The following NFATC3 variants were observed in gnomAD, a reference collection of about 807,000 sequenced individuals.
NFATC3 encodes nuclear factor of activated T-cells, cytoplasmic 3.
In NFATC3, 46 loss-of-function variants were observed where a neutral mutation model predicts 98.6. The observed-to-expected ratio is 0.47, with a 90% confidence interval of 0.37 to 0.60. The LOEUF (loss-of-function observed/expected upper bound fraction) is 0.60. Ranked by LOEUF, NFATC3 falls within the 20% of genes least tolerant of loss-of-function variation. The pLI is 0.00. For synonymous variants in NFATC3, 512 were observed against 472.2 expected, an observed-to-expected ratio of 1.08 and a Z score of -1.09; for missense variants, 1,256 against 1,295.5, an observed-to-expected ratio of 0.97 and a Z score of 0.47.
At position 68,104,653 on chromosome 16, in the gene NFATC3, G is replaced by GTTTTTTTTTTTTTTTTTTTTT. The variant is rs778016298; in HGVS notation, c.104-17318_104-17317insTTTTTTTTTTTTTTTTTTTTT. 1.0e-3 allele frequency among the ~76,000 whole-genome samples: 132 copies of GTTTTTTTTTTTTTTTTTTTTT among 126,650 alleles called. 3 individuals are homozygous for GTTTTTTTTTTTTTTTTTTTTT. The highest frequency in any genetic ancestry group is 3.0e-3 in the African/African-American group (95 of 31,826). 83.1% of individuals were successfully genotyped at this position (126,650 alleles called of 152,430 possible). On this transcript the variant is annotated intron_variant, in intron 1 of 9. Coordinates refer to ENST00000346183, the MANE Select transcript of NFATC3 (RefSeq NM_173165.3). The stretch of plus-strand genomic sequence containing the variant: ...GTTAGCTGTGGGCTTTTCACAAATG[G>GTTTTTTTTTTTTTTTTTTTTT]TTTTTTTTTTTTTTTTGAAATGGAG...
chr16:68,177,032 C>CTT lies in NFATC3; in HGVS notation c.1915+2531_1915+2532dup, dbSNP rs548092276. On this transcript the variant is annotated intron_variant, in intron 6 of 9. Transcript: ENST00000346183. ...TATTTTTCTTTCTTTCTTTTCTTTT[C>CTT]TTTTTTTTTTTTTTGTTTTTTTAAT... Among the ~76,000 whole-genome samples, 1,111 of 133,052 alleles carry CTT rather than the reference C, an allele frequency of 8.4e-3. 12 individuals carry two copies. The highest frequency in any genetic ancestry group is 0.025 in the African/African-American group (887 of 36,076). The allele number at this position is 133,052 out of a possible 152,430, so 87.3% of individuals were successfully genotyped here.
At chr16:68,102,681 C>T (rs2035438601) in intron 1 of NFATC3, among the ~76,000 whole-genome samples, 1 of 151,996 alleles carries the variant, frequency 6.6e-6, no homozygotes, top group Admixed American at 6.6e-5. Context: ...TGTCATTGAC[C>T]AAAACATCAT....
chr16:68,086,010 G>A (rs917695219), intron 1 of NFATC3: 1 of 427,750 alleles, frequency 2.3e-6, no homozygotes, highest in East Asian at 3.9e-5. Context: ...AACTAGTGGG[G>A]AACTCGACTC....
intron 9 of NFATC3, chr16:68,218,127 T>G (rs980336886): frequency 5.4e-6 from 4 of 743,318 alleles, no homozygotes; most frequent in Admixed American, 6.2e-5. Context: ...TGGTGCACGA[T>G]CATAGCTTAC....
intron 7 of NFATC3, among the ~76,000 whole-genome samples, chr16:68,181,853 G>A (rs1347619248): frequency 6.6e-6 from 1 of 152,140 alleles, no homozygotes; most frequent in Non-Finnish European, 1.5e-5. Flanking sequence ...CCTGAGCCTG[G>A]GAGGTCAAGG....
chr16:68,161,945 C>T (rs541632323), intron 4 of NFATC3, among the ~76,000 whole-genome samples: 1 of 152,268 alleles, frequency 6.6e-6, no homozygotes, highest in South Asian at 2.1e-4. Flanking sequence ...CATCATCTTC[C>T]ATTTACTAGC....
chr16:68,197,825 T>C (rs1224527670), intron 9 of NFATC3, among the ~76,000 whole-genome samples: 1 of 152,258 alleles, frequency 6.6e-6, no homozygotes, highest in Non-Finnish European at 1.5e-5. Flanking sequence ...TTCAAATTTA[T>C]ATATCCTCTT....
chr16:68,190,456 T>C (rs912504034), intron 8 of NFATC3, among the ~76,000 whole-genome samples: 6 of 152,218 alleles, frequency 3.9e-5, no homozygotes, highest in Non-Finnish European at 5.9e-5. Context: ...AAAAAGTATA[T>C]AGTAAAAAGT....
At position 68,122,390 on chromosome 16, in the gene NFATC3, C is replaced by T. The variant is rs2036618337; in HGVS notation, c.507C>T (p.Ser169=). The T allele has an allele frequency of 6.2e-7, 1 of 1,614,160 alleles. No homozygotes were observed. Among genetic ancestry groups the T allele is most frequent in the Middle Eastern group, 1.6e-4 (1 of 6,062 alleles). Residue 169 remains serine, a synonymous_variant, in exon 2 of 10, where the codon AGC becomes AGT. Coordinates refer to ENST00000346183, the MANE Select transcript of NFATC3 (RefSeq NM_173165.3). ...CTCTTAGTCCTAGTCCTGCCAGCAG[C>T]ATCTCTTCTAGGAGTTGGTTCTCTG... ...ESSLSPSPAS[S]ISSRSWFSDA...
chr16:68,113,690 G>A (rs1438479774), intron 1 of NFATC3, among the ~76,000 whole-genome samples: 1 of 152,220 alleles, frequency 6.6e-6, no homozygotes, highest in Non-Finnish European at 1.5e-5. Flanking sequence ...TAGGTCAGCT[G>A]AACCATGAGA....
chr16:68,184,613 C>T (rs1235029654), intron 8 of NFATC3, among the ~76,000 whole-genome samples: 1 of 152,014 alleles, frequency 6.6e-6, no homozygotes, highest in South Asian at 2.1e-4. Context: ...ACCATCCTGG[C>T]TAACATGGTG....
intron 1 of NFATC3, among the ~76,000 whole-genome samples, chr16:68,109,190 G>C (rs1026043783): frequency 6.6e-6 from 1 of 152,196 alleles, no homozygotes; most frequent in Non-Finnish European, 1.5e-5. Flanking sequence ...TGCGTATCCA[G>C]TATGACATTG....
Position 68,181,522 on chromosome 16 carries a change from T to C in NFATC3, c.1963T>C (p.Cys655Arg), listed in dbSNP as rs2039949733. The change falls in exon 7 of 10, where the codon TGT becomes CGT. Residue 655 changes from cysteine to arginine, a missense_variant. Physicochemically the swap from Cys to Arg is radical, Grantham distance 180. Coordinates refer to ENST00000346183, the MANE Select transcript of NFATC3 (RefSeq NM_173165.3). ...AGAAGGGAAGATAATCAGGGAAAAA[T>C]GTCAAGGGGTAAGAAATTTACCTTA... ...EVEGKIIREK[C>R]QGAHIVLEVP... 25 of 1,607,532 alleles carry C rather than the reference T, an allele frequency of 1.6e-5. No individual in the cohort carries two copies. Among genetic ancestry groups the C allele is most frequent in the Non-Finnish European group, 1.8e-5 (21 of 1,174,418 alleles).
At chr16:68,131,341 G>A (rs1043714747) in intron 3 of NFATC3, among the ~76,000 whole-genome samples, 1 of 152,130 alleles carries the variant, frequency 6.6e-6, no homozygotes. Context: ...ACAGCGGTGT[G>A]ATATTGGCTC....
chr16:68,103,776 C>G (rs2035495968), intron 1 of NFATC3, among the ~76,000 whole-genome samples: 1 of 152,156 alleles, frequency 6.6e-6, no homozygotes, highest in South Asian at 2.1e-4. Flanking sequence ...ATCCAGTTTT[C>G]CCAGTACCAT....
intron 1 of NFATC3, among the ~76,000 whole-genome samples, chr16:68,101,325 G>A (rs149060371): frequency 5.3e-5 from 8 of 152,106 alleles, no homozygotes; most frequent in South Asian, 2.1e-4. Context: ...TAAATTTTTC[G>A]TAGAGATATG....
At chr16:68,163,209 A>G (rs1368940551) in intron 4 of NFATC3, among the ~76,000 whole-genome samples, 1 of 152,010 alleles carries the variant, frequency 6.6e-6, no homozygotes, top group Non-Finnish European at 1.5e-5. Context: ...CTATTCCACA[A>G]AACCGCCATT....
At position 68,122,977 on chromosome 16, in the gene NFATC3, T is replaced by C. The variant is rs1371062864; in HGVS notation, c.1094T>C (p.Leu365Ser). Residue 365 changes from leucine to serine, a missense_variant, in exon 2 of 10, where the codon TTA (leucine) becomes TCA (serine). By Grantham distance (145) the Leu-to-Ser change is moderately radical (BLOSUM62 -2). Transcript: ENST00000346183. Reference sequence around the variant, plus strand: ...CTGTGTTCAGATGACCAAGGGAGTTTATCACCAGCCCGGGAGACTTCAATA... The same window carrying C: ...CTGTGTTCAGATGACCAAGGGAGTTCATCACCAGCCCGGGAGACTTCAATA... ...LELCSDDQGSLSPARETSIDD... is the reference protein window; with the variant it reads ...LELCSDDQGSSSPARETSIDD... 6.2e-7 allele frequency: 1 copy of C among 1,614,070 alleles called. No homozygotes were observed. The highest frequency in any genetic ancestry group is 8.5e-7 in the Non-Finnish European group (1 of 1,180,050).
In NFATC3 at chr16:68,226,924, G is replaced by GAAA. The variant is rs1567559802; in HGVS notation, c.*460_*462dup. On this transcript the variant is annotated 3_prime_UTR_variant, in exon 10 of 10. Coordinates refer to ENST00000346183, the MANE Select transcript of NFATC3 (RefSeq NM_173165.3). ...AAAAAAAAAAAAAAAAAAAAAAAAA[G>GAAA]AAAAAAAAAGAAAAGAAAAAAAGAA... is the stretch of plus-strand genomic sequence containing the variant. 1 of 85,486 alleles carries GAAA rather than the reference G, an allele frequency of 1.2e-5. No homozygotes were observed. The highest frequency in any genetic ancestry group is 2.3e-5 in the Non-Finnish European group (1 of 43,568). The allele number at this position is 85,486 out of a possible 1,614,324, so 5.3% of individuals were successfully genotyped here. A position where few individuals can be genotyped will look rare whatever the true frequency, so the allele number is the denominator to read the frequency against.
Sources: gnomAD v4.1 joint callset for allele counts (sites outside exome capture counted in the v4.1 genomes callset) on GRCh38, gnomAD v4.1.1 for gene constraint, MANE v1.5 for transcripts, NCBI Gene and HGNC (gene_info 2026-07-23, HGNC 2026-07-21) for gene names.